MARCO: variants seen among roughly 807,000 people sequenced by gnomAD.
MARCO encodes the protein macrophage receptor with collagenous structure.
In MARCO, 72 loss-of-function variants were observed where a neutral mutation model predicts 70.0. The ratio of observed to expected loss-of-function variants is 1.03; its 90% CI spans 0.85 to 1.25. MARCO has a LOEUF of 1.25. MARCO is among the 50% of genes most tolerant of loss of function. The pLI, the probability that MARCO is intolerant of heterozygous loss-of-function variation, is 0.00. For synonymous variants in MARCO, 273 were observed against 243.1 expected, an observed-to-expected ratio of 1.12 and a Z score of -1.14; for missense variants, 696 against 659.3, an observed-to-expected ratio of 1.06 and a Z score of -0.61.
At chr2:118,971,009 C>T (rs529163831) in intron 3 of MARCO, among the ~76,000 whole-genome samples, 97 of 152,256 alleles carry the variant, frequency 6.4e-4, no homozygotes, top group Non-Finnish European at 7.1e-4. Flanking sequence ...ACGCCCAGCA[C>T]GGGACCCAGG....
At chr2:118,942,434 A>G in intron 1 of MARCO, 37 bp downstream of exon 1, 2 of 1,480,260 alleles carry the variant, frequency 1.4e-6, no homozygotes, top group South Asian at 2.3e-5. Context: ...AATGACCAGA[A>G]ATGTAGTCTT....
chr2:118,985,641 G>A (rs1680470966), intron 12 of MARCO, among the ~76,000 whole-genome samples: 1 of 152,144 alleles, frequency 6.6e-6, no homozygotes, highest in Non-Finnish European at 1.5e-5. Context: ...CACTTTCAAA[G>A]ATTGCAGAAG....
chr2:118,960,868 A>T (rs571434144), intron 1 of MARCO, among the ~76,000 whole-genome samples: 2 of 152,192 alleles, frequency 1.3e-5, no homozygotes, highest in Admixed American at 1.3e-4. Flanking sequence ...TGCATGAGCT[A>T]TTATTCCTAA....
chr2:118,965,613 T>A (rs1680029847), intron 1 of MARCO, among the ~76,000 whole-genome samples: 1 of 152,222 alleles, frequency 6.6e-6, no homozygotes, highest in Admixed American at 6.5e-5. Context: ...GATGGGTGAT[T>A]TTCCATTATA....
chr2:118,977,868 T>C lies in MARCO; in HGVS notation c.699T>C (p.Asp233=), dbSNP rs757341263. The C allele has an allele frequency of 6.8e-6, 11 of 1,612,936 alleles. No individual in the cohort carries two copies. Among genetic ancestry groups the C allele is most frequent in the Non-Finnish European group, 1.7e-6 (2 of 1,179,594 alleles). ...GPQGEKGSKG[D]GGLIGPKGET... is the part of the protein sequence containing the mutation. The stretch of plus-strand genomic sequence containing the variant: ...AAGGAGAGAAGGGCAGCAAAGGCGA[T>C]GGGGGTCTCATTGGCCCAAAAGGGG... Residue 233 remains aspartate (D), a synonymous_variant, in exon 8 of 17, where the codon GAT becomes GAC. Transcript: ENST00000327097.
chr2:118,974,619 A>T, intron 6 of MARCO, 54 bp downstream of exon 6: 1 of 1,549,832 alleles, frequency 6.5e-7, no homozygotes, highest in Non-Finnish European at 8.8e-7. Context: ...TCTCAGAGTG[A>T]CTGCTGTGGG....
chr2:118,969,863 T>C (rs1680127678), intron 2 of MARCO, among the ~76,000 whole-genome samples: 1 of 152,158 alleles, frequency 6.6e-6, no homozygotes, highest in South Asian at 2.1e-4. Flanking sequence ...TGGAGATTGA[T>C]TGTGGATGCA....
At chr2:118,954,156 A>C (rs1159933879) in intron 1 of MARCO, among the ~76,000 whole-genome samples, 1 of 152,234 alleles carries the variant, frequency 6.6e-6, no homozygotes, top group Non-Finnish European at 1.5e-5. Flanking sequence ...GCTGGGAGGC[A>C]GAGAAAGCCT....
chr2:118,967,266 G>T (rs553156899), intron 1 of MARCO, among the ~76,000 whole-genome samples: 2 of 152,192 alleles, frequency 1.3e-5, no homozygotes, highest in Non-Finnish European at 1.5e-5. Context: ...GCAGAAATTA[G>T]TCTTGTGAAA....
intron 8 of MARCO, 152 bp from the exon 9 acceptor site, chr2:118,981,257 G>C: frequency 4.7e-6 from 3 of 638,888 alleles, no homozygotes; most frequent in Non-Finnish European, 8.3e-6. Flanking sequence ...ACTCCTTGAG[G>C]GCAGCGGTCA....
intron 4 of MARCO, among the ~76,000 whole-genome samples, chr2:118,973,214 GTC>G (rs986480190): frequency 2.7e-5 from 4 of 150,872 alleles, no homozygotes; most frequent in Non-Finnish European, 5.9e-5. Flanking sequence ...CTCTCTCCAT[GTC>G]TCTCTCTCTG....
intron 13 of MARCO, 70 bp downstream of exon 13, chr2:118,990,703 T>C: frequency 1.4e-6 from 2 of 1,459,834 alleles, no homozygotes; most frequent in Non-Finnish European, 1.9e-6. Flanking sequence ...AGAGGGCAGG[T>C]CTTGTTGACA....
Position 118,974,524 on chromosome 2 carries a change from C to T in MARCO, c.572C>T (p.Pro191Leu), listed in dbSNP as rs1372721753. ...GAMGRDGATG[P>L]SGPQGPPGVK... ...CTGAATTCCCTTTCCCTTCCAGGCCCCTCGGGACCCCAAGGCCCACCGGGA... is the reference window on the plus strand; with the variant it reads ...CTGAATTCCCTTTCCCTTCCAGGCCTCTCGGGACCCCAAGGCCCACCGGGA... The change falls in exon 6 of 17, where the codon CCC becomes CTC. Residue 191 changes from proline to leucine, a missense_variant. Pro to Leu is a moderately conservative substitution (Grantham distance 98, BLOSUM62 -3). Transcript: ENST00000327097. The T allele has an allele frequency of 1.2e-6, 2 of 1,613,944 alleles. No individual in the cohort carries two copies. Among genetic ancestry groups the T allele is most frequent in the Non-Finnish European group, 1.7e-6 (2 of 1,179,984 alleles).
At chr2:118,984,604 A>G (rs1367345592) in intron 12 of MARCO, among the ~76,000 whole-genome samples, 1 of 152,264 alleles carries the variant, frequency 6.6e-6, no homozygotes, top group Non-Finnish European at 1.5e-5. Flanking sequence ...CTGACAGTCC[A>G]CATGGACATC....
intron 12 of MARCO, among the ~76,000 whole-genome samples, chr2:118,988,772 A>C (rs555016170): frequency 2.1e-4 from 32 of 152,256 alleles, no homozygotes; most frequent in African/African-American, 7.5e-4. Context: ...GGTCAATAGC[A>C]GACATTTTCT....
intron 13 of MARCO, among the ~76,000 whole-genome samples, 183 bp downstream of exon 13, chr2:118,990,816 G>A (rs186622556): frequency 6.6e-6 from 1 of 152,260 alleles, no homozygotes. Flanking sequence ...GGAACCACAG[G>A]AACTCAACAT....
At chr2:118,990,419 G>C (rs1680598423) in intron 12 of MARCO, among the ~76,000 whole-genome samples, 170 bp from the exon 13 acceptor site, 1 of 152,146 alleles carries the variant, frequency 6.6e-6, no homozygotes, top group Admixed American at 6.5e-5. Flanking sequence ...TTCATCTGCA[G>C]ACTGTCTCTT....
rs568382349 is a variant in MARCO at position 118,981,262 on chromosome 2, C to T, written c.767-147C>T. 1.4e-5 allele frequency: 9 copies of T among 642,202 alleles called. No homozygotes were observed. In the East Asian group the frequency reaches 1.4e-4, roughly 10 times the overall value. The allele number at this position is 642,202 out of a possible 1,614,324, so 39.8% of individuals were successfully genotyped here. On this transcript the variant is annotated intron_variant, in intron 8 of 16. Transcript: ENST00000327097. ...AAAGCGGTGCACTCCTTGAGGGCAG[C>T]GGTCATATCTTCCACTCGCGGGCAC...
chr2:118,978,693 T>C (rs1287945160), intron 8 of MARCO, among the ~76,000 whole-genome samples: 2 of 152,226 alleles, frequency 1.3e-5, no homozygotes, highest in African/African-American at 4.8e-5. Flanking sequence ...AAAAGAATGG[T>C]AATTAAGTTA....
Sources: gnomAD v4.1 joint callset for allele counts (sites outside exome capture counted in the v4.1 genomes callset) on GRCh38, gnomAD v4.1.1 for gene constraint, MANE v1.5 for transcripts, NCBI Gene and HGNC (gene_info 2026-07-23, HGNC 2026-07-21) for gene names.